Variants in AMOTL1 observed in about 807,000 individuals in gnomAD.
The protein encoded by AMOTL1 is angiomotin-like protein 1.
A neutral mutation model predicts 102.9 loss-of-function variants in AMOTL1; 45 were observed. That is an observed-to-expected ratio of 0.44 (90% CI 0.34 to 0.56). AMOTL1 has a LOEUF of 0.56. Ranked by LOEUF, AMOTL1 falls within the 20% of genes least tolerant of loss-of-function variation. AMOTL1 has a pLI of 0.01. For missense variants in AMOTL1, 1,114 were observed against 1,225.6 expected, an observed-to-expected ratio of 0.91 and a Z score of 1.36; for synonymous variants, 481 against 484.7, an observed-to-expected ratio of 0.99 and a Z score of 0.10.
At chr11:94,707,499 C>T (rs1464117302) in intron 1 of AMOTL1, among the ~76,000 whole-genome samples, 1 of 152,104 alleles carries the variant, frequency 6.6e-6, no homozygotes, top group East Asian at 1.9e-4. Context: ...TTGAGAATTG[C>T]AGAGCCCTTT....
At chr11:94,814,061 G>C (rs1405861902) in intron 3 of AMOTL1, among the ~76,000 whole-genome samples, 1 of 152,116 alleles carries the variant, frequency 6.6e-6, no homozygotes, top group Non-Finnish European at 1.5e-5. Context: ...GCTTCGGGTG[G>C]GGCTTCTATC....
chr11:94,746,521 C>T (rs536337041), intron 3 of AMOTL1, among the ~76,000 whole-genome samples: 1 of 152,350 alleles, frequency 6.6e-6, no homozygotes, highest in South Asian at 2.1e-4. Flanking sequence ...GGGCAATCCT[C>T]TACATTCAGC....
intron 6 of AMOTL1, among the ~76,000 whole-genome samples, chr11:94,840,681 T>TATATATATATATATACACACAC (rs1166713705): frequency 6.7e-5 from 7 of 104,806 alleles, no homozygotes; most frequent in African/African-American, 2.8e-4. Context: ...TATATATATA[T>TATATATATATATATACACACAC]ACACACACAC....
chr11:94,793,014 C>T, intron 1 of AMOTL1, among the ~76,000 whole-genome samples: 1 of 151,832 alleles, frequency 6.6e-6, no homozygotes, highest in Non-Finnish European at 1.5e-5. Flanking sequence ...CTGAGCTCCA[C>T]ATTGAAAGCA....
chr11:94,834,344 T>G (rs927685615), intron 6 of AMOTL1, among the ~76,000 whole-genome samples: 1 of 152,012 alleles, frequency 6.6e-6, no homozygotes, highest in Non-Finnish European at 1.5e-5. Flanking sequence ...TCCCAGCACT[T>G]TGGGAGGCCG....
chr11:94,741,561 C>T (rs1950527871), intron 3 of AMOTL1, among the ~76,000 whole-genome samples: 1 of 152,174 alleles, frequency 6.6e-6, no homozygotes, highest in Non-Finnish European at 1.5e-5. Flanking sequence ...ATTCCATCCT[C>T]ATGCCTGTCA....
Position 94,875,208 on chromosome 11 carries a change from T to A in AMOTL1, c.*4413T>A, listed in dbSNP as rs1953074808. 1 of 152,192 alleles carries A rather than the reference T, an allele frequency of 6.6e-6. No homozygotes were observed. 9.4% of individuals were successfully genotyped at this position (152,192 alleles called of 1,614,324 possible). A position where few individuals can be genotyped will look rare whatever the true frequency, so the allele number is the denominator to read the frequency against. The stretch of plus-strand genomic sequence containing the variant: ...AGTTTGCCTCTGACGTGTGGCTCCA[T>A]GGGAGATAGGCAAAGTAATTAAGAA... On this transcript the variant is annotated 3_prime_UTR_variant, in exon 13 of 13. Transcript: ENST00000433060.
chr11:94,852,867 A>G (rs1206211056), intron 7 of AMOTL1, among the ~76,000 whole-genome samples: 2 of 152,246 alleles, frequency 1.3e-5, no homozygotes, highest in Non-Finnish European at 2.9e-5. Context: ...ACATACATAT[A>G]TAAATACATA....
chr11:94,736,564 T>A (rs1164197064), intron 2 of AMOTL1, among the ~76,000 whole-genome samples: 2 of 152,208 alleles, frequency 1.3e-5, no homozygotes, highest in Non-Finnish European at 2.9e-5. Context: ...AAAATGAATA[T>A]TTATTATGTA....
chr11:94,869,457 G>A lies in AMOTL1; in HGVS notation c.2748G>A (p.Gly916=), dbSNP rs1952949834. Residue 916 remains glycine (G), a synonymous_variant, in exon 12 of 13, where the codon GGG becomes GGA. Coordinates refer to ENST00000433060, the MANE Select transcript of AMOTL1 (RefSeq NM_130847.3). Reference sequence around the variant, plus strand: ...TCCTGAAACACCCAGCGGCCAAAGGGACCGCAGAGAAACTGGGTATGTGGG... The same window carrying A: ...TCCTGAAACACCCAGCGGCCAAAGGAACCGCAGAGAAACTGGGTATGTGGG... ...SPVLKHPAAK[G]TAEKLENSPG... 1.2e-6 allele frequency: 2 copies of A among 1,600,634 alleles called. No homozygotes were observed. Among genetic ancestry groups the A allele is most frequent in the East Asian group, 2.3e-5 (1 of 44,238 alleles).
At chr11:94,728,892 C>A in intron 1 of AMOTL1, 1 of 1,071,044 alleles carries the variant, frequency 9.3e-7, no homozygotes, top group South Asian at 1.4e-5. Context: ...TAATTCAAAT[C>A]CCTTTTTTAT....
At chr11:94,773,878 T>C (rs907376512) in intron 1 of AMOTL1, among the ~76,000 whole-genome samples, 4 of 152,214 alleles carry the variant, frequency 2.6e-5, no homozygotes, top group Non-Finnish European at 4.4e-5. Flanking sequence ...GTTATGTATA[T>C]GTTAAAATGA....
chr11:94,819,504 A>G (rs1951826134), intron 3 of AMOTL1, among the ~76,000 whole-genome samples: 1 of 152,198 alleles, frequency 6.6e-6, no homozygotes, highest in African/African-American at 2.4e-5. Context: ...TCTCACACGT[A>G]AATTGTGTAT....
At chr11:94,849,964 C>A in intron 6 of AMOTL1, 150 bp from the exon 7 acceptor site, 1 of 994,000 alleles carries the variant, frequency 1.0e-6, no homozygotes, top group Non-Finnish European at 1.4e-6. Context: ...TTCCATACCA[C>A]CACTATGAAA....
At chr11:94,740,507 C>T (rs1402741702) in intron 2 of AMOTL1, among the ~76,000 whole-genome samples, 1 of 151,676 alleles carries the variant, frequency 6.6e-6, no homozygotes, top group Non-Finnish European at 1.5e-5. Context: ...GTGCTCGCCG[C>T]CGCCGCCGCG....
chr11:94,868,944 C>CA (rs199534531), intron 11 of AMOTL1, among the ~76,000 whole-genome samples: 12,916 of 125,544 alleles, frequency 0.1, 981 homozygotes, highest in African/African-American at 0.23. Flanking sequence ...TTCTCCACTC[C>CA]AAAAAAAAAA....
rs572126234 is a variant in AMOTL1 at position 94,727,736 on chromosome 11, C to G, written c.-50-1185C>G. Among the ~76,000 whole-genome samples, 11 of 152,284 alleles carry G rather than the reference C, an allele frequency of 7.2e-5. No homozygotes were observed. The South Asian group carries it at 2.3e-3, about 32-fold the overall frequency. ...ACTATTACACTGTGCCATATTCACT[C>G]TGGTCTAGAACTCCCTTCCAAAATT... On this transcript the variant is annotated intron_variant, in intron 1 of 4. Transcript: ENST00000299004.
chr11:94,830,132 C>G lies in AMOTL1; in HGVS notation c.1496C>G (p.Ala499Gly), dbSNP rs779850390. Residue 499 changes from alanine to glycine, a missense_variant, in exon 5 of 13, where the codon GCC becomes GGC. Transcript: ENST00000433060. ...STTKRESLDK[A>G]MRNKLEGEIR... ...ACCAAGCGAGAATCGCTGGACAAGG[C>G]CATGAGAAACAAATTGGAAGGCGAG... 18 of 1,610,926 alleles carry G rather than the reference C, an allele frequency of 1.1e-5. No homozygotes were observed. Among genetic ancestry groups the G allele is most frequent in the Non-Finnish European group, 1.5e-5 (18 of 1,178,596 alleles).
upstream of AMOTL1, among the ~76,000 whole-genome samples, chr11:94,765,462 A>C (rs2135506610): frequency 6.6e-6 from 1 of 152,296 alleles, no homozygotes; most frequent in East Asian, 1.9e-4. Flanking sequence ...AACTAAGTTA[A>C]GGCCTGAAAA....
Sources: allele counts gnomAD v4.1 joint callset (sites outside exome capture counted in the v4.1 genomes callset), GRCh38; gene constraint gnomAD v4.1.1; transcripts MANE v1.5; gene names NCBI Gene and HGNC (gene_info 2026-07-23, HGNC 2026-07-21).